SYNE2: variants seen among roughly 807,000 people sequenced by gnomAD.
The protein encoded by SYNE2 is nesprin-2.
In SYNE2, 431 loss-of-function variants were observed where a neutral mutation model predicts 856.3. The ratio of observed to expected loss-of-function variants is 0.50; its 90% CI spans 0.47 to 0.55. The LOEUF is 0.55. SYNE2 is among the 20% of genes least tolerant of loss of function. The probability of loss-of-function intolerance (pLI) is 0.00; values close to 1 mark genes in which losing one functional copy is unlikely to be tolerated. For missense variants in SYNE2, 8,129 were observed against 8,023.2 expected (o/e 1.01, Z -0.50); for synonymous variants, 2,923 against 2,872.3 (o/e 1.02, Z -0.56).
chr14:63,898,640 A>C (rs573663641), intron 1 of SYNE2, among the ~76,000 whole-genome samples: 11 of 152,058 alleles, frequency 7.2e-5, no homozygotes, highest in Non-Finnish European at 1.3e-4. Context: ...CCTGGCCTCA[A>C]GCGATTCGCC....
intron 1 of SYNE2, among the ~76,000 whole-genome samples, chr14:63,789,730 A>G (rs1293501207): frequency 2.0e-5 from 3 of 151,984 alleles, no homozygotes; most frequent in Non-Finnish European, 2.9e-5. Flanking sequence ...ATGAGCTGAG[A>G]TCGTGCCACT....
chr14:64,070,358 A>G (rs1042081386), intron 51 of SYNE2, among the ~76,000 whole-genome samples: 2 of 152,262 alleles, frequency 1.3e-5, no homozygotes, highest in Non-Finnish European at 2.9e-5. Flanking sequence ...TGCTTTATCC[A>G]TCTGAAATCT....
intron 14 of SYNE2, 87 bp downstream of exon 14, chr14:63,979,101 C>T: frequency 1.4e-6 from 2 of 1,391,040 alleles, no homozygotes; most frequent in Non-Finnish European, 1.0e-6. Context: ...TTCCCATTAA[C>T]TCTTCGGGTT....
chr14:63,870,983 A>T (rs1896683486), intron 1 of SYNE2, among the ~76,000 whole-genome samples: 1 of 151,352 alleles, frequency 6.6e-6, no homozygotes, highest in African/African-American at 2.5e-5. Context: ...CTGTCATTTT[A>T]CTTTTTTAAA....
chr14:64,074,712 A>G (rs751353070), intron 53 of SYNE2, among the ~76,000 whole-genome samples: 1 of 152,190 alleles, frequency 6.6e-6, no homozygotes, highest in Non-Finnish European at 1.5e-5. Flanking sequence ...CCTGGCCAAC[A>G]TGGGGAAACT....
At chr14:63,828,359 G>A (rs1284091623) in intron 1 of SYNE2, among the ~76,000 whole-genome samples, 1 of 152,176 alleles carries the variant, frequency 6.6e-6, no homozygotes, top group Non-Finnish European at 1.5e-5. Flanking sequence ...TATGGGATGG[G>A]CCTGGTGAGG....
chr14:64,155,035 C>G (rs2098274417), intron 85 of SYNE2, among the ~76,000 whole-genome samples: 1 of 152,114 alleles, frequency 6.6e-6, no homozygotes, highest in Non-Finnish European at 1.5e-5. Context: ...TGGCCGGGTT[C>G]CATGGAGTTG....
At chr14:63,871,789 T>C (rs1188780996) in intron 1 of SYNE2, among the ~76,000 whole-genome samples, 1 of 152,056 alleles carries the variant, frequency 6.6e-6, no homozygotes, top group Non-Finnish European at 1.5e-5. Flanking sequence ...CCACTGCACC[T>C]GGCCAACTTA....
At chr14:64,001,482 C>T (rs2096754536) in intron 28 of SYNE2, among the ~76,000 whole-genome samples, 1 of 151,912 alleles carries the variant, frequency 6.6e-6, no homozygotes, top group South Asian at 2.1e-4. Flanking sequence ...GTCAGGAGTT[C>T]GAGACCAGCC....
chr14:64,013,131 A>ATGCTT (rs1567049879), intron 32 of SYNE2, among the ~76,000 whole-genome samples: 1 of 152,198 alleles, frequency 6.6e-6, no homozygotes, highest in Non-Finnish European at 1.5e-5. Context: ...AACAAAACCC[A>ATGCTT]TAGTTCTGCC....
intron 10 of SYNE2, among the ~76,000 whole-genome samples, chr14:63,967,152 C>G (rs1298582604): frequency 1.3e-5 from 2 of 152,224 alleles, no homozygotes; most frequent in African/African-American, 4.8e-5. Flanking sequence ...GCATGAGCCA[C>G]CGCGCCTGGC....
intron 17 of SYNE2, among the ~76,000 whole-genome samples, chr14:63,983,247 T>G (rs536139650): frequency 5.2e-5 from 8 of 152,388 alleles, no homozygotes; most frequent in East Asian, 3.9e-4. Context: ...TTGAGTTCTT[T>G]TAACTTTTTG....
intron 1 of SYNE2, among the ~76,000 whole-genome samples, chr14:63,803,680 C>T (rs991486721): frequency 1.3e-5 from 2 of 152,234 alleles, no homozygotes; most frequent in Non-Finnish European, 2.9e-5. Context: ...GGAGTGGGCT[C>T]AAGCCTTGGC....
Position 64,159,423 on chromosome 14 carries a change from T to A in SYNE2, c.16075T>A (p.Cys5359Ser). The stretch of plus-strand genomic sequence containing the variant: ...TGTTGCTGAAATAATCGAAGAGAAA[T>A]GCCAAAATACTCATAAAAGGTATGC... ...PSVAEIIEEK[C>S]QNTHKRWTQV... Residue 5359 changes from cysteine (C) to serine (S), a missense_variant, in exon 87 of 116, where the codon TGC (cysteine) becomes AGC (serine). Cys to Ser is a moderately radical substitution (Grantham distance 112). Coordinates refer to ENST00000555002, the MANE Select transcript of SYNE2 (RefSeq NM_182914.3). The A allele has an allele frequency of 6.2e-7, 1 of 1,613,800 alleles. No individual in the cohort carries two copies. Among genetic ancestry groups the A allele is most frequent in the Non-Finnish European group, 8.5e-7 (1 of 1,179,788 alleles).
intron 106 of SYNE2, 70 bp downstream of exon 106, chr14:64,214,540 G>A (rs914951640): frequency 5.5e-6 from 8 of 1,461,352 alleles, no homozygotes; most frequent in African/African-American, 2.8e-5. Context: ...TTAGCAACAC[G>A]GCCAGCTCTC....
chr14:63,852,446 AG>A (rs1890615740), upstream of SYNE2, among the ~76,000 whole-genome samples: 2 of 152,242 alleles, frequency 1.3e-5, no homozygotes, highest in Admixed American at 6.5e-5. Context: ...CCCTCATCCA[AG>A]GGGAAGGAGG....
Position 63,961,624 on chromosome 14 carries a change from A to G in SYNE2, c.887A>G (p.Gln296Arg). 1.9e-6 allele frequency: 3 copies of G among 1,610,442 alleles called. No homozygotes were observed. The highest frequency in any genetic ancestry group is 1.1e-5 in the South Asian group (1 of 90,934). ...KDAPGTGEEA[Q>R]GKVKDAMGWL... ...GCCCCTGGGACTGGAGAGGAGGCTC[A>G]GGTATGTTTTCATATGCATAAATCA... The change falls in exon 9 of 116, where the codon CAG (glutamine) becomes CGG (arginine). Residue 296 changes from glutamine (Q) to arginine (R), a missense_variant and splice_region_variant. This residue lies in a region of SYNE2 where 2,422 missense variants were observed against 2,357.4 expected (regional missense o/e 1.03). Coordinates refer to ENST00000555002, the MANE Select transcript of SYNE2 (RefSeq NM_182914.3).
At position 64,081,584 on chromosome 14, in the gene SYNE2, A is replaced by C; in HGVS notation, c.11484+4A>C. On this transcript the variant is annotated splice_donor_region_variant and intron_variant, in intron 57 of 115. Coordinates refer to ENST00000555002, the MANE Select transcript of SYNE2 (RefSeq NM_182914.3). ...TCACCATGCTAGCACTGTGCAGGTA[A>C]GTGTTCTTCCAGGTTTTCTGCCACT... 1 of 1,613,866 alleles carries C rather than the reference A, an allele frequency of 6.2e-7. No individual in the cohort carries two copies. The highest frequency in any genetic ancestry group is 8.5e-7 in the Non-Finnish European group (1 of 1,179,966).
chr14:64,088,472 G>A (rs2097580648), intron 58 of SYNE2, among the ~76,000 whole-genome samples: 1 of 152,118 alleles, frequency 6.6e-6, no homozygotes, highest in African/African-American at 2.4e-5. Context: ...AAAAGAGATA[G>A]TTCTGGCTGG....
Sources: allele counts gnomAD v4.1 joint callset (sites outside exome capture counted in the v4.1 genomes callset), GRCh38; gene constraint gnomAD v4.1.1; regional missense constraint gnomAD v4.1.1; transcripts MANE v1.5; gene names NCBI Gene and HGNC (gene_info 2026-07-23, HGNC 2026-07-21).